Variants in TMEM14B observed in about 807,000 individuals in gnomAD.
The protein encoded by TMEM14B is transmembrane protein 14B.
A neutral mutation model predicts 14.8 loss-of-function variants in TMEM14B; 9 were observed. That is an observed-to-expected ratio of 0.61 (90% CI 0.37 to 1.06). The LOEUF is 1.06. TMEM14B is among the 50% of genes least tolerant of loss of function. The probability of loss-of-function intolerance (pLI) is 0.01; values close to 1 mark genes in which losing one functional copy is unlikely to be tolerated. For synonymous variants in TMEM14B, 40 were observed against 51.3 expected (o/e 0.78, Z 0.94); for missense variants, 128 against 143.6 (o/e 0.89, Z 0.56).
chr6:10,756,366 C>A, intron 5 of TMEM14B, 101 bp from the exon 6 acceptor site: 2 of 1,388,850 alleles, frequency 1.4e-6, no homozygotes, highest in Non-Finnish European at 9.9e-7. Context: ...TACCTCCTCC[C>A]CCACACAGTT....
downstream of TMEM14B, among the ~76,000 whole-genome samples, chr6:10,758,532 G>C (rs1443808403): frequency 6.6e-6 from 1 of 152,220 alleles, no homozygotes; most frequent in Non-Finnish European, 1.5e-5. Context: ...GGGTTGTGCT[G>C]GGTCCTAGCA....
intron 1 of TMEM14B, among the ~76,000 whole-genome samples, chr6:10,748,963 T>C (rs1273139139): frequency 1.3e-5 from 2 of 152,228 alleles, no homozygotes; most frequent in South Asian, 2.1e-4. Flanking sequence ...CTGAGTTTCC[T>C]GTGGACCTAT....
chr6:10,753,409 AG>A (rs1297005396), intron 4 of TMEM14B, among the ~76,000 whole-genome samples: 15 of 151,960 alleles, frequency 9.9e-5, no homozygotes, highest in Non-Finnish European at 1.5e-4. Flanking sequence ...GCCATTTAGC[AG>A]TTCTCAGCAC....
At chr6:10,757,849 G>A (rs1003673057), downstream of TMEM14B, among the ~76,000 whole-genome samples, 1 of 152,004 alleles carries the variant, frequency 6.6e-6, no homozygotes, top group African/African-American at 2.4e-5. Context: ...AAATTAGCTG[G>A]GTGTGGTGGC....
chr6:10,751,177 G>A lies in TMEM14B; in HGVS notation c.145G>A (p.Ala49Thr). The A allele has an allele frequency of 5.6e-6, 9 of 1,613,990 alleles. No individual in the cohort carries two copies. The highest frequency in any genetic ancestry group is 6.8e-6 in the Non-Finnish European group (8 of 1,180,014). ...TGCAGGGCTGCTCTTCGGCAGTCTA[G>A]CCGGCCTGGGTGCTTACCAGCTGTA... ...LAAGLLFGSL[A>T]GLGAYQLYQD... The change falls in exon 4 of 6, where the codon GCC becomes ACC. Residue 49 changes from alanine to threonine, a missense_variant. By Grantham distance (58) the Ala-to-Thr change is moderately conservative (BLOSUM62 0). Coordinates refer to ENST00000379542, the MANE Select transcript of TMEM14B (RefSeq NM_030969.5).
rs755984390 is a variant in TMEM14B at position 10,749,244 on chromosome 6, G to T, written c.-2G>T. On this transcript the variant is annotated 5_prime_UTR_variant, in exon 2 of 6. Transcript: ENST00000379542. ...TCTCCTTTCTGGACTGAGAAGAGAA[G>T]AATGGAGAAGCCCCTCTTCCCATTG... is the stretch of plus-strand genomic sequence containing the variant. 3.7e-6 allele frequency: 6 copies of T among 1,614,210 alleles called. No homozygotes were observed. The East Asian group carries it at 6.7e-5, about 18-fold the overall frequency.
At chr6:10,755,274 G>C (rs535034151) in intron 5 of TMEM14B, 42 bp downstream of exon 5, 1 of 1,613,496 alleles carries the variant, frequency 6.2e-7, no homozygotes, top group South Asian at 1.1e-5. Context: ...GTAGAGTTCA[G>C]TTTATTGCCC....
intron 4 of TMEM14B, among the ~76,000 whole-genome samples, chr6:10,754,441 A>G (rs200736323): frequency 6.6e-6 from 1 of 152,184 alleles, no homozygotes; most frequent in East Asian, 1.9e-4. Context: ...GGGCCTCTGC[A>G]TATACTGTCC....
intron 1 of TMEM14B, among the ~76,000 whole-genome samples, chr6:10,748,328 C>T (rs1031471697): frequency 6.6e-6 from 1 of 152,136 alleles, no homozygotes; most frequent in Admixed American, 6.5e-5. Context: ...TTATTGCAGC[C>T]TCTGCCTCCT....
At chr6:10,750,483 C>CA (rs1303768585) in intron 3 of TMEM14B, among the ~76,000 whole-genome samples, 1 of 150,878 alleles carries the variant, frequency 6.6e-6, no homozygotes, top group African/African-American at 2.4e-5. Flanking sequence ...GTAAAGTAGG[C>CA]AAAAAAGTTA....
At chr6:10,752,452 CTTTTTTTTTT>C (rs60849022) in intron 4 of TMEM14B, among the ~76,000 whole-genome samples, 1 of 112,508 alleles carries the variant, frequency 8.9e-6, no homozygotes, top group African/African-American at 3.6e-5. Context: ...CATAAACTAC[CTTTTTTTTTT>C]TTTTTTTTTT....
At position 10,749,244 on chromosome 6, in the gene TMEM14B, G is replaced by C. The variant is rs755984390; in HGVS notation, c.-2G>C. On this transcript the variant is annotated 5_prime_UTR_variant, in exon 2 of 6. Transcript: ENST00000379542. ...TCTCCTTTCTGGACTGAGAAGAGAA[G>C]AATGGAGAAGCCCCTCTTCCCATTG... 1 of 1,614,210 alleles carries C rather than the reference G, an allele frequency of 6.2e-7. No homozygotes were observed. Among genetic ancestry groups the C allele is most frequent in the Non-Finnish European group, 8.5e-7 (1 of 1,180,020 alleles).
At chr6:10,756,168 A>T (rs1771795792) in intron 5 of TMEM14B, among the ~76,000 whole-genome samples, 1 of 152,144 alleles carries the variant, frequency 6.6e-6, no homozygotes, top group South Asian at 2.1e-4. Context: ...CATAAATCAG[A>T]TCTGTGATGG....
At chr6:10,753,765 C>T (rs1358222917) in intron 4 of TMEM14B, among the ~76,000 whole-genome samples, 1 of 151,946 alleles carries the variant, frequency 6.6e-6, no homozygotes, top group African/African-American at 2.4e-5. Context: ...CTACCACCCC[C>T]TTTCTGACTA....
At chr6:10,750,788 T>G (rs995486859) in intron 3 of TMEM14B, among the ~76,000 whole-genome samples, 1 of 151,944 alleles carries the variant, frequency 6.6e-6, no homozygotes, top group Non-Finnish European at 1.5e-5. Context: ...GCTAGGTGAT[T>G]AAAGGAAAGG....
downstream of TMEM14B, among the ~76,000 whole-genome samples, chr6:10,757,990 CAA>C (rs796233052): frequency 1.5e-4 from 16 of 106,252 alleles, no homozygotes; most frequent in Non-Finnish European, 1.2e-4. Flanking sequence ...GACTCTGTCT[CAA>C]AAAAAAAAAA....
At chr6:10,753,468 C>A (rs891311108) in intron 4 of TMEM14B, among the ~76,000 whole-genome samples, 8 of 152,062 alleles carry the variant, frequency 5.3e-5, no homozygotes, top group African/African-American at 1.9e-4. Context: ...TTTATCCTCT[C>A]ATTCTCTTTT....
At chr6:10,754,223 A>T (rs1454846336) in intron 4 of TMEM14B, among the ~76,000 whole-genome samples, 2 of 152,178 alleles carry the variant, frequency 1.3e-5, no homozygotes, top group Non-Finnish European at 2.9e-5. Context: ...CTGTCTCAAA[A>T]AATAATAATA....
downstream of TMEM14B, among the ~76,000 whole-genome samples, chr6:10,757,940 G>A (rs1321598393): frequency 6.6e-6 from 1 of 150,876 alleles, no homozygotes; most frequent in African/African-American, 2.4e-5. Context: ...GCAGCGAGCC[G>A]AGATCACGCC....
Sources: allele counts gnomAD v4.1 joint callset (sites outside exome capture counted in the v4.1 genomes callset), GRCh38; gene constraint gnomAD v4.1.1; transcripts MANE v1.5; gene names NCBI Gene and HGNC (gene_info 2026-07-23, HGNC 2026-07-21).